The following CCDC141 variants were observed in gnomAD, a reference collection of about 807,000 sequenced individuals.
The protein encoded by CCDC141 is coiled-coil domain-containing protein 141.
CCDC141 carries 168 observed loss-of-function variants against 181.0 expected under a neutral mutation model. That is an observed-to-expected ratio of 0.93 (90% confidence interval 0.82 to 1.05). CCDC141 has a LOEUF of 1.05. Among genes scored for constraint, CCDC141 ranks in the 50% least tolerant of loss-of-function variants. The pLI is 0.00. For synonymous variants in CCDC141, 666 were observed against 642.3 expected (o/e 1.04, Z -0.56); for missense variants, 1,902 against 1,788.5 (o/e 1.06, Z -1.14).
intron 2 of CCDC141, among the ~76,000 whole-genome samples, chr2:178,985,714 T>G (rs1236593272): frequency 6.6e-6 from 1 of 152,140 alleles, no homozygotes; most frequent in Non-Finnish European, 1.5e-5. Flanking sequence ...CTAGAAAATC[T>G]AGAAGAAATA....
At position 178,834,190 on chromosome 2, in the gene CCDC141, A is replaced by C. The variant is rs549611076; in HGVS notation, c.4576T>G (p.Trp1526Gly). The C allele has an allele frequency of 6.5e-7, 1 of 1,536,144 alleles. No individual in the cohort carries two copies. Among genetic ancestry groups the C allele is most frequent in the South Asian group, 1.2e-5 (1 of 84,056 alleles). Reference sequence around the variant, plus strand: ...CACCACAGTTATTGTGTGAGGAGCCAGTACATTAGGGACACACTAACATAG... The same window carrying C: ...CACCACAGTTATTGTGTGAGGAGCCCGTACATTAGGGACACACTAACATAG... ...VVYVSVSLMY[W>G]LLTQ The change falls in exon 24 of 24, where the codon TGG becomes GGG. Residue 1526 changes from tryptophan (W) to glycine (G), a missense_variant. Coordinates refer to ENST00000443758, the MANE Select transcript of CCDC141 (RefSeq NM_173648.4).
intron 21 of CCDC141, among the ~76,000 whole-genome samples, chr2:178,849,697 A>G (rs1469202136): frequency 6.6e-6 from 1 of 152,204 alleles, no homozygotes; most frequent in African/African-American, 2.4e-5. Flanking sequence ...AGGAAAAAAA[A>G]ACCCTGGCAT....
intron 1 of CCDC141, among the ~76,000 whole-genome samples, chr2:179,049,379 C>T (rs1436724974): frequency 6.6e-6 from 1 of 152,040 alleles, no homozygotes; most frequent in Non-Finnish European, 1.5e-5. Flanking sequence ...TGAGTTCCAT[C>T]GTGCTTAAAG....
At chr2:179,011,662 C>T (rs2042273841) in intron 2 of CCDC141, among the ~76,000 whole-genome samples, 1 of 152,102 alleles carries the variant, frequency 6.6e-6, no homozygotes, top group Non-Finnish European at 1.5e-5. Context: ...CCAACAACCA[C>T]AGAATACACA....
intron 6 of CCDC141, among the ~76,000 whole-genome samples, chr2:178,941,326 T>C (rs1237383034): frequency 6.6e-6 from 1 of 152,190 alleles, no homozygotes; most frequent in Non-Finnish European, 1.5e-5. Flanking sequence ...TATACACTGA[T>C]GGGGGTCTCT....
chr2:179,001,671 G>A (rs550180630), intron 2 of CCDC141: 4 of 152,328 alleles, frequency 2.6e-5, no homozygotes, highest in Admixed American at 1.3e-4. Flanking sequence ...GAGCCAAGAA[G>A]ACAAAAGACA....
At chr2:178,847,050 C>G (rs144921979) in intron 21 of CCDC141, among the ~76,000 whole-genome samples, 2 of 152,138 alleles carry the variant, frequency 1.3e-5, no homozygotes, top group African/African-American at 4.8e-5. Flanking sequence ...CTTTGGGAAG[C>G]GTTTGTTGCG....
At chr2:178,912,589 C>T (rs1016683897) in intron 7 of CCDC141, among the ~76,000 whole-genome samples, 15 of 152,176 alleles carry the variant, frequency 9.9e-5, no homozygotes, top group African/African-American at 3.1e-4. Flanking sequence ...CTACACTCAT[C>T]ACTCTGTCAT....
At chr2:179,015,600 C>CATATAGCTCATAT (rs2042489064) in intron 2 of CCDC141, among the ~76,000 whole-genome samples, 5 of 55,430 alleles carry the variant, frequency 9.0e-5, no homozygotes, top group Non-Finnish European at 2.4e-4. Context: ...ATATGTATCT[C>CATATAGCTCATAT]ATATATCTCA....
At chr2:178,943,695 G>C (rs1173628649) in intron 6 of CCDC141, among the ~76,000 whole-genome samples, 1 of 151,990 alleles carries the variant, frequency 6.6e-6, no homozygotes, top group Non-Finnish European at 1.5e-5. Context: ...TACTATGACG[G>C]ACTTCTGTTT....
At position 178,837,559 on chromosome 2, in the gene CCDC141, T is replaced by G. The variant is rs1213636070; in HGVS notation, c.3660A>C (p.Pro1220=). ...SPDDISLPPL[P]GSPESPLAPS... ...GTGCAAGAGGGGACTCAGGGCTTCC[T>G]GGGAGAGGAGGCAAGGAGATGTCAT... is the stretch of plus-strand genomic sequence containing the variant. The change falls in exon 23 of 24, where the codon CCA becomes CCC. Residue 1220 remains proline (P), a synonymous_variant. Coordinates refer to ENST00000443758, the MANE Select transcript of CCDC141 (RefSeq NM_173648.4). 1.9e-6 allele frequency: 3 copies of G among 1,613,732 alleles called. No individual in the cohort carries two copies. The highest frequency in any genetic ancestry group is 2.5e-6 in the Non-Finnish European group (3 of 1,179,880).
intron 2 of CCDC141, among the ~76,000 whole-genome samples, chr2:179,004,530 C>T (rs910149607): frequency 3.3e-5 from 5 of 152,158 alleles, no homozygotes; most frequent in African/African-American, 1.2e-4. Flanking sequence ...TTAATAAATA[C>T]TTTATTGTCA....
rs531007316 is a variant in CCDC141, at chr2:178,850,075, G to T, written c.3331C>A (p.Leu1111Ile). ...LESVTELCES[L>I]TELEEKLKQG... ...TTCAGTTTTTCTTCGAGCTCTGTGAGGGACTCACATAATTCAGTCACAGAT... is the reference window on the plus strand; with the variant it reads ...TTCAGTTTTTCTTCGAGCTCTGTGATGGACTCACATAATTCAGTCACAGAT... Residue 1111 changes from leucine to isoleucine, a missense_variant, in exon 21 of 24, where the codon CTC becomes ATC. By Grantham distance (5) the Leu-to-Ile change is conservative. Coordinates refer to ENST00000443758, the MANE Select transcript of CCDC141 (RefSeq NM_173648.4). The T allele has an allele frequency of 1.2e-6, 2 of 1,602,830 alleles. No homozygotes were observed. Among genetic ancestry groups the T allele is most frequent in the East Asian group, 2.2e-5 (1 of 44,630 alleles).
intron 12 of CCDC141, chr2:178,875,169 A>AT (rs1686304591): frequency 6.6e-6 from 1 of 152,150 alleles, no homozygotes; most frequent in East Asian, 1.9e-4. Flanking sequence ...TGATCCTCCA[A>AT]TTTTTTATAC....
At position 178,918,776 on chromosome 2, in the gene CCDC141, T is replaced by A; in HGVS notation, c.1029A>T (p.Gln343His). ...ACCAGGTATTCCTTTCCACCATGAG[T>A]TGACCAAATTCTTCTTGAAGCTGAC... ...KLSQLQEEFG[Q>H]LMVERNTWLK... Residue 343 changes from glutamine (Q) to histidine (H), a missense_variant, in exon 7 of 24, where the codon CAA becomes CAT. Coordinates refer to ENST00000443758, the MANE Select transcript of CCDC141 (RefSeq NM_173648.4). 6.4e-7 allele frequency: 1 copy of A among 1,550,564 alleles called. No individual in the cohort carries two copies. The highest frequency in any genetic ancestry group is 8.7e-7 in the Non-Finnish European group (1 of 1,146,992).
chr2:179,029,467 G>A (rs535663505), intron 2 of CCDC141, among the ~76,000 whole-genome samples: 1 of 152,068 alleles, frequency 6.6e-6, no homozygotes, highest in Non-Finnish European at 1.5e-5. Context: ...ACAATGACTG[G>A]CATATAGTAG....
chr2:178,918,872 C>T lies in CCDC141; in HGVS notation c.933G>A (p.Glu311=). ...CCTTTGACAGCAGAATTCTCAGTGC[C>T]TCACTCTTCAGCTTCTCAACAGCAG... is the stretch of plus-strand genomic sequence containing the variant. ...WNSAVEKLKS[E]ALRILLSKDY... The change falls in exon 7 of 24, where the codon GAG becomes GAA. Residue 311 remains glutamate (E), a synonymous_variant. Transcript: ENST00000443758. 1 of 1,550,640 alleles carries T rather than the reference C, an allele frequency of 6.4e-7. No homozygotes were observed. Among genetic ancestry groups the T allele is most frequent in the South Asian group, 1.2e-5 (1 of 84,052 alleles).
In CCDC141 at chr2:178,853,488, T is replaced by G; in HGVS notation, c.3197A>C (p.Gln1066Pro). The G allele has an allele frequency of 6.2e-7, 1 of 1,614,180 alleles. No homozygotes were observed. Among genetic ancestry groups the G allele is most frequent in the Non-Finnish European group, 8.5e-7 (1 of 1,180,004 alleles). ...NKFIAPSVPQ[Q>P]EERIQEATDL... Reference sequence around the variant, plus strand: ...AGTGGCCTCCTGAATCCTTTCTTCTTGCTGCGGCACTGAGGGTGCAATAAA... The same window carrying G: ...AGTGGCCTCCTGAATCCTTTCTTCTGGCTGCGGCACTGAGGGTGCAATAAA... The change falls in exon 20 of 24, where the codon CAA becomes CCA. Residue 1066 changes from glutamine to proline, a missense_variant. Gln to Pro is a moderately conservative substitution (Grantham distance 76). Coordinates refer to ENST00000443758, the MANE Select transcript of CCDC141 (RefSeq NM_173648.4).
intron 11 of CCDC141, among the ~76,000 whole-genome samples, chr2:178,881,268 G>A (rs1008405567): frequency 1.3e-5 from 2 of 152,162 alleles, no homozygotes; most frequent in African/African-American, 4.8e-5. Flanking sequence ...GTGGGAGCCA[G>A]GACTGACTAA....
Sources: allele counts gnomAD v4.1 joint callset (sites outside exome capture counted in the v4.1 genomes callset), GRCh38; gene constraint gnomAD v4.1.1; transcripts MANE v1.5; gene names NCBI Gene and HGNC (gene_info 2026-07-23, HGNC 2026-07-21).